Variants in ERBB4 observed in about 807,000 individuals in gnomAD.
ERBB4 encodes erb-b2 receptor tyrosine kinase 4, also known as receptor tyrosine-protein kinase erbB-4.
ERBB4 carries 42 observed loss-of-function variants against 158.0 expected under a neutral mutation model. The observed-to-expected ratio is 0.27, with a 90% CI of 0.21 to 0.34. The LOEUF is 0.34. Among genes scored for constraint, ERBB4 ranks in the 10% least tolerant of loss-of-function variants. The pLI is 1.00. For synonymous variants in ERBB4, 583 were observed against 558.7 expected (o/e 1.04, Z -0.61); for missense variants, 1,333 against 1,624.1 (o/e 0.82, Z 3.08).
chr2:211,760,466 G>C (rs1188648347), intron 4 of ERBB4, among the ~76,000 whole-genome samples: 2 of 152,118 alleles, frequency 1.3e-5, no homozygotes, highest in African/African-American at 4.8e-5. Context: ...GGAAGAACTT[G>C]GTGGAAGGAA....
intron 2 of ERBB4, among the ~76,000 whole-genome samples, chr2:212,052,980 AC>A (rs2077443761): frequency 6.6e-6 from 1 of 152,162 alleles, no homozygotes; most frequent in South Asian, 2.1e-4. Flanking sequence ...TAGCAACGGG[AC>A]CTGGACCAAA....
intron 2 of ERBB4, among the ~76,000 whole-genome samples, chr2:211,955,572 C>G (rs1323408589): frequency 6.6e-6 from 1 of 152,034 alleles, no homozygotes; most frequent in Non-Finnish European, 1.5e-5. Context: ...TTCTATACAG[C>G]AAACTGTGAC....
chr2:211,824,838 T>C (rs1465267799), intron 3 of ERBB4, among the ~76,000 whole-genome samples: 1 of 151,984 alleles, frequency 6.6e-6, no homozygotes, highest in Admixed American at 6.6e-5. Flanking sequence ...TTACACAAAA[T>C]TTGCAGTGGC....
chr2:211,760,987 C>T (rs546621119), intron 4 of ERBB4, among the ~76,000 whole-genome samples: 4 of 152,098 alleles, frequency 2.6e-5, no homozygotes, highest in South Asian at 2.1e-4. Context: ...AGGCGGATCA[C>T]GAGGTCAGGA....
At chr2:212,122,804 T>C (rs946088375) in intron 2 of ERBB4, among the ~76,000 whole-genome samples, 50 of 151,904 alleles carry the variant, frequency 3.3e-4, no homozygotes, top group Non-Finnish European at 2.2e-4. Flanking sequence ...CATTTTTATA[T>C]ATTATTTAAT....
At chr2:211,716,726 A>C (rs879782146) in intron 7 of ERBB4, among the ~76,000 whole-genome samples, 2 of 152,156 alleles carry the variant, frequency 1.3e-5, no homozygotes, top group African/African-American at 2.4e-5. Flanking sequence ...AAAACAAAAA[A>C]AAAAGAAGAA....
At chr2:212,109,385 G>C (rs1461812098) in intron 2 of ERBB4, among the ~76,000 whole-genome samples, 1 of 152,028 alleles carries the variant, frequency 6.6e-6, no homozygotes, top group South Asian at 2.1e-4. Flanking sequence ...TCAAAACTAG[G>C]CCACTCCCTT....
At chr2:212,010,723 T>G (rs1470924303) in intron 2 of ERBB4, among the ~76,000 whole-genome samples, 1 of 152,036 alleles carries the variant, frequency 6.6e-6, no homozygotes, top group African/African-American at 2.4e-5. Context: ...GGGTGGAGTT[T>G]TTTCCCCACC....
intron 13 of ERBB4, among the ~76,000 whole-genome samples, chr2:211,677,828 C>T (rs974899591): frequency 3.9e-5 from 6 of 152,018 alleles, no homozygotes; most frequent in African/African-American, 9.7e-5. Flanking sequence ...GAGTCGAGAT[C>T]GCACCACTGC....
At chr2:211,946,223 C>T (rs1413833192) in intron 3 of ERBB4, among the ~76,000 whole-genome samples, 1 of 151,978 alleles carries the variant, frequency 6.6e-6, no homozygotes, top group Non-Finnish European at 1.5e-5. Context: ...ATAACACAAT[C>T]AGTATTCCTT....
intron 1 of ERBB4, among the ~76,000 whole-genome samples, chr2:212,399,740 A>G (rs1172240512): frequency 1.4e-5 from 2 of 146,314 alleles, no homozygotes; most frequent in East Asian, 2.0e-4. Context: ...GCCTGCTGGC[A>G]TGGTGGCATG....
In ERBB4 at chr2:211,555,020, A is replaced by C. The variant is rs1158297882; in HGVS notation, c.2487+6883T>G. Among the ~76,000 whole-genome samples the C allele has an allele frequency of 3.3e-5, 5 of 152,188 alleles. No homozygotes were observed. In the East Asian group the frequency reaches 7.7e-4, roughly 23 times the overall value. On this transcript the variant is annotated intron_variant, in intron 20 of 27. Coordinates refer to ENST00000342788, the MANE Select transcript of ERBB4 (RefSeq NM_005235.3). Reference sequence around the variant, plus strand: ...AAAGACGAAATTTTCATGATTTCCTAGTATCCTGGATTCATAAAGCATCAA... The same window carrying C: ...AAAGACGAAATTTTCATGATTTCCTCGTATCCTGGATTCATAAAGCATCAA...
At chr2:211,703,948 G>A (rs1373752737) in intron 11 of ERBB4, among the ~76,000 whole-genome samples, 156 bp downstream of exon 11, 1 of 152,092 alleles carries the variant, frequency 6.6e-6, no homozygotes, top group Non-Finnish European at 1.5e-5. Flanking sequence ...CACCATCATC[G>A]GAGGTATTTT....
At chr2:211,888,323 T>C (rs554381215) in intron 3 of ERBB4, among the ~76,000 whole-genome samples, 1 of 148,712 alleles carries the variant, frequency 6.7e-6, no homozygotes, top group Admixed American at 6.6e-5. Flanking sequence ...CATAAAGCTA[T>C]TTCAAGCAAT....
intron 2 of ERBB4, among the ~76,000 whole-genome samples, chr2:211,957,926 T>C (rs2081076233): frequency 6.6e-6 from 1 of 152,136 alleles, no homozygotes; most frequent in Non-Finnish European, 1.5e-5. Flanking sequence ...AATGGGCCTC[T>C]ATGAAATTAT....
At chr2:211,693,336 C>T (rs2072890681) in intron 12 of ERBB4, among the ~76,000 whole-genome samples, 1 of 152,008 alleles carries the variant, frequency 6.6e-6, no homozygotes, top group Admixed American at 6.6e-5. Flanking sequence ...ACTGTATAAA[C>T]TATAATTAAA....
intron 19 of ERBB4, among the ~76,000 whole-genome samples, chr2:211,588,678 G>T (rs2125787499): frequency 6.6e-6 from 1 of 152,166 alleles, no homozygotes; most frequent in Admixed American, 6.5e-5. Context: ...AGGCCACTTA[G>T]CTAGTAAGTA....
At chr2:211,875,529 A>T (rs1480562102) in intron 3 of ERBB4, among the ~76,000 whole-genome samples, 3 of 152,312 alleles carry the variant, frequency 2.0e-5, no homozygotes, top group Non-Finnish European at 4.4e-5. Flanking sequence ...TGCACATATG[A>T]TGGTGGTCTC....
chr2:211,418,920 A>C (rs941435677), intron 25 of ERBB4, among the ~76,000 whole-genome samples: 2 of 152,106 alleles, frequency 1.3e-5, no homozygotes, highest in Admixed American at 6.5e-5. Context: ...TAAAGTTTTC[A>C]GTTTGTACTA....
Sources: gnomAD v4.1 joint callset for allele counts (sites outside exome capture counted in the v4.1 genomes callset) on GRCh38, gnomAD v4.1.1 for gene constraint, MANE v1.5 for transcripts, NCBI Gene and HGNC (gene_info 2026-07-23, HGNC 2026-07-21) for gene names.